The following POLQ variants were observed in gnomAD, a reference collection of about 807,000 sequenced individuals.
POLQ encodes epididymis secretory sperm binding protein.
A neutral mutation model predicts 259.2 loss-of-function variants in POLQ; 233 were observed. That is an observed-to-expected ratio of 0.90 (90% CI 0.81 to 1.00). The LOEUF is 1.00. Ranked by LOEUF, POLQ falls within the 50% of genes least tolerant of loss-of-function variation. The pLI is 0.00. For missense variants in POLQ, 2,871 were observed against 3,051.6 expected, an observed-to-expected ratio of 0.94 and a Z score of 1.39; for synonymous variants, 1,025 against 1,048.8, an observed-to-expected ratio of 0.98 and a Z score of 0.44.
At chr3:121,452,900 C>T (rs577583420) in intron 25 of POLQ, among the ~76,000 whole-genome samples, 25 of 152,342 alleles carry the variant, frequency 1.6e-4, no homozygotes, top group South Asian at 6.2e-4. Context: ...TCTCCTAGCA[C>T]GCAGCTGGAG....
rs72969996 is a variant in POLQ, at chr3:121,503,665, C to G, written c.1960-4995G>C. Among the ~76,000 whole-genome samples the G allele has an allele frequency of 3.4e-3, 511 of 152,252 alleles. 5 individuals are homozygous for G. The highest frequency in any genetic ancestry group is 0.012 in the African/African-American group (486 of 41,552). On this transcript the variant is annotated intron_variant, in intron 12 of 29. Transcript: ENST00000264233. ...TGGTTCCAGGACCTCCTGCAGATAA[C>G]AAAATCCATGGATGCTCAAGTCTCT...
intron 16 of POLQ, among the ~76,000 whole-genome samples, chr3:121,485,641 G>C (rs748587693): frequency 2.6e-5 from 4 of 152,090 alleles, no homozygotes; most frequent in Non-Finnish European, 5.9e-5. Flanking sequence ...TAAAGGTCAA[G>C]AATCAATCCG....
intron 12 of POLQ, among the ~76,000 whole-genome samples, chr3:121,504,451 TCTA>T (rs575433644): frequency 6.6e-6 from 1 of 152,176 alleles, no homozygotes; most frequent in Non-Finnish European, 1.5e-5. Context: ...ACTGGTGAAA[TCTA>T]CTAAACATTT....
At chr3:121,541,293 ACCAAGACTG>A in intron 3 of POLQ, 47 bp downstream of exon 3, 1 of 1,412,732 alleles carries the variant, frequency 7.1e-7, no homozygotes, top group Non-Finnish European at 9.6e-7. Flanking sequence ...AATGAATGAA[ACCAAGACTG>A]CCAATAATGA....
At chr3:121,455,722 T>G (rs1378889914) in intron 25 of POLQ, among the ~76,000 whole-genome samples, 1 of 152,182 alleles carries the variant, frequency 6.6e-6, no homozygotes, top group African/African-American at 2.4e-5. Flanking sequence ...TAACAGGCTC[T>G]GAAATTGTGG....
At chr3:121,458,846 T>G (rs1252371129) in intron 25 of POLQ, among the ~76,000 whole-genome samples, 3 of 151,818 alleles carry the variant, frequency 2.0e-5, no homozygotes, top group Non-Finnish European at 4.4e-5. Flanking sequence ...ACGCCAGGAG[T>G]TGAAGACCAC....
Position 121,493,733 on chromosome 3 carries a change from A to G in POLQ, c.2279-12T>C. On this transcript the variant is annotated splice_polypyrimidine_tract_variant and intron_variant, in intron 14 of 29. Coordinates refer to ENST00000264233, the MANE Select transcript of POLQ (RefSeq NM_199420.4). ...TACTGTAATCATCCCTAGAACATTC[A>G]TAGAATATTTGTTGAATTCAATTTT... 6.3e-7 allele frequency: 1 copy of G among 1,599,488 alleles called. No individual in the cohort carries two copies. The highest frequency in any genetic ancestry group is 8.5e-7 in the Non-Finnish European group (1 of 1,170,558).
chr3:121,493,455 T>C, intron 15 of POLQ, 23 bp downstream of exon 15: 3 of 1,576,576 alleles, frequency 1.9e-6, no homozygotes, highest in Non-Finnish European at 8.7e-7. Context: ...CATAAGCCCA[T>C]GTAGGTAAAG....
In POLQ at chr3:121,463,659, T is replaced by C. The variant is rs191677770; in HGVS notation, c.6968-3425A>G. 2.6e-3 allele frequency among the ~76,000 whole-genome samples: 396 copies of C among 152,296 alleles called. 1 individual carries two copies. Among genetic ancestry groups the C allele is most frequent in the Non-Finnish European group, 4.9e-3 (330 of 68,008 alleles). Reference sequence around the variant, plus strand: ...AGCTTACAAAATCAAACCAGTGGCATAGATATTTTGGAATCTTTTACATTT... The same window carrying C: ...AGCTTACAAAATCAAACCAGTGGCACAGATATTTTGGAATCTTTTACATTT... On this transcript the variant is annotated intron_variant, in intron 24 of 29. Transcript: ENST00000264233.
At chr3:121,446,893 T>C (rs941713803) in intron 26 of POLQ, among the ~76,000 whole-genome samples, 3 of 152,096 alleles carry the variant, frequency 2.0e-5, no homozygotes, top group African/African-American at 4.8e-5. Flanking sequence ...TTTCTTTTTT[T>C]AAAAAATCTA....
chr3:121,440,573 C>A (rs751397421), intron 26 of POLQ, among the ~76,000 whole-genome samples: 40 of 152,104 alleles, frequency 2.6e-4, no homozygotes, highest in Non-Finnish European at 4.6e-4. Context: ...TGAGCTCAAG[C>A]GATCTGCCCA....
intron 19 of POLQ, among the ~76,000 whole-genome samples, chr3:121,480,299 C>T (rs1433015216): frequency 6.6e-6 from 1 of 152,016 alleles, no homozygotes; most frequent in East Asian, 1.9e-4. Context: ...TACCTCCTGG[C>T]TAACAGAAAA....
Position 121,489,882 on chromosome 3 carries a change from G to C in POLQ, c.3049C>G (p.Gln1017Glu). The change falls in exon 16 of 30, where the codon CAG (glutamine) becomes GAG (glutamate). Residue 1017 changes from glutamine (Q) to glutamate (E), a missense_variant. By Grantham distance (29) the Gln-to-Glu change is conservative. Transcript: ENST00000264233. ...EGKTSDKKVV[Q>E]TFSQKTKKAP... Reference sequence around the variant, plus strand: ...TTTTTTGTTTTCTGTGAAAAAGTCTGAACAACTTTCTTATCACTTGTTTTC... The same window carrying C: ...TTTTTTGTTTTCTGTGAAAAAGTCTCAACAACTTTCTTATCACTTGTTTTC... 6.2e-7 allele frequency: 1 copy of C among 1,604,078 alleles called. No homozygotes were observed. Among genetic ancestry groups the C allele is most frequent in the South Asian group, 1.1e-5 (1 of 88,420 alleles).
chr3:121,512,025 C>G lies in POLQ; in HGVS notation c.1473G>C (p.Glu491Asp). 5 of 1,611,936 alleles carry G rather than the reference C, an allele frequency of 3.1e-6. No individual in the cohort carries two copies. Among genetic ancestry groups the G allele is most frequent in the Non-Finnish European group, 4.2e-6 (5 of 1,179,052 alleles). Residue 491 changes from glutamate to aspartate, a missense_variant, in exon 10 of 30, where the codon GAG becomes GAC. Transcript: ENST00000264233. ...CAGAGTTCTTACAAATTAAGATACTCTCGCCTATAACCAAAAGATACACAT... is the reference window on the plus strand; with the variant it reads ...CAGAGTTCTTACAAATTAAGATACTGTCGCCTATAACCAAAAGATACACAT... ...AGRKGVDTVG[E>D]SILICKNSEK...
intron 21 of POLQ, 78 bp from the exon 22 acceptor site, chr3:121,472,242 T>C (rs940258034): frequency 3.1e-6 from 2 of 655,032 alleles, no homozygotes; most frequent in African/African-American, 1.8e-5. Context: ...CTGTAAATAA[T>C]ACAGTCTCAA....
At chr3:121,502,985 ATG>A (rs752754023) in intron 12 of POLQ, among the ~76,000 whole-genome samples, 1 of 152,228 alleles carries the variant, frequency 6.6e-6, no homozygotes, top group Non-Finnish European at 1.5e-5. Flanking sequence ...CAAAATTAAA[ATG>A]TTATAGTGTT....
At chr3:121,533,584 C>T (rs1259069125) in intron 5 of POLQ, among the ~76,000 whole-genome samples, 1 of 152,006 alleles carries the variant, frequency 6.6e-6, no homozygotes, top group Non-Finnish European at 1.5e-5. Context: ...GGACCTGTCT[C>T]GGCTCACTGC....
Position 121,488,394 on chromosome 3 carries a change from G to C in POLQ, c.4537C>G (p.Leu1513Val). Residue 1513 changes from leucine (L) to valine (V), a missense_variant, in exon 16 of 30, where the codon CTT becomes GTT. Transcript: ENST00000264233. ...TGGTTTGATGTTACTTCTGAAGGAA[G>C]GGGTTCTTTCATTTGCATATCAGGT... ...QLPDMQMKEP[L>V]PSEVTSNHFS... 6.2e-7 allele frequency: 1 copy of C among 1,611,732 alleles called. No homozygotes were observed. Among genetic ancestry groups the C allele is most frequent in the Non-Finnish European group, 8.5e-7 (1 of 1,177,954 alleles).
rs1317088767 is a variant in POLQ, at chr3:121,489,628, T to C, written c.3303A>G (p.Val1101=). The C allele has an allele frequency of 1.2e-5, 19 of 1,613,896 alleles. No individual in the cohort carries two copies. The highest frequency in any genetic ancestry group is 1.6e-4 in the Middle Eastern group (1 of 6,084). ...TATCTTTTTCCTTACCACTCAAAGA[T>C]ACATTTTTAGCAAATGGCCCTGAAT... ...FRNSGPFAKN[V]SLSGKEKDNK... Residue 1101 remains valine, a synonymous_variant, in exon 16 of 30, where the codon GTA becomes GTG. Coordinates refer to ENST00000264233, the MANE Select transcript of POLQ (RefSeq NM_199420.4).
Sources: gnomAD v4.1 joint callset for allele counts (sites outside exome capture counted in the v4.1 genomes callset) on GRCh38, gnomAD v4.1.1 for gene constraint, MANE v1.5 for transcripts, NCBI Gene and HGNC (gene_info 2026-07-23, HGNC 2026-07-21) for gene names.